The following PDE6B variants were observed in gnomAD, a reference collection of about 807,000 sequenced individuals.
PDE6B encodes the protein rod cGMP-specific 3',5'-cyclic phosphodiesterase subunit beta.
A neutral mutation model predicts 109.0 loss-of-function variants in PDE6B; 106 were observed. That is an observed-to-expected ratio of 0.97 (90% CI 0.83 to 1.14). The LOEUF (loss-of-function observed/expected upper bound fraction) is 1.14. PDE6B is among the 50% of genes most tolerant of loss of function. The pLI, the probability that PDE6B is intolerant of heterozygous loss-of-function variation, is 0.00. For missense variants in PDE6B, 1,193 were observed against 1,155.6 expected (o/e 1.03, Z -0.47); for synonymous variants, 490 against 471.3 (o/e 1.04, Z -0.51).
In PDE6B at chr4:625,832, G is replaced by GC. The variant is rs750147338; in HGVS notation, c.207dup (p.Ile70HisfsTer96). On this transcript the variant is annotated frameshift_variant, in exon 1 of 22. Transcript: ENST00000496514. LOFTEE classifies it high-confidence loss of function. The surrounding 1 kb of genome is among the most constrained non-coding windows in gnomAD (Gnocchi z 5.0). Reference sequence around the variant, plus strand: ...GAGCTGGTGCAGGATATGCAGGAGAGCATCAACATGGAGCGCGTGGTCTTC... The same window carrying GC: ...GAGCTGGTGCAGGATATGCAGGAGAGCCATCAACATGGAGCGCGTGGTCTTC... 3.1e-6 allele frequency: 5 copies of GC among 1,613,004 alleles called. No homozygotes were observed. The South Asian group carries it at 5.5e-5, about 18-fold the overall frequency.
At chr4:659,706 G>GCCCA (rs1736832012) in intron 11 of PDE6B, among the ~76,000 whole-genome samples, 1 of 151,552 alleles carries the variant, frequency 6.6e-6, no homozygotes, top group Non-Finnish European at 1.5e-5. Context: ...GTTTGTGTGT[G>GCCCA]TGTGCCCGTG....
intron 10 of PDE6B, among the ~76,000 whole-genome samples, chr4:657,729 G>A (rs1255888479): frequency 2.0e-5 from 3 of 146,396 alleles, no homozygotes; most frequent in Non-Finnish European, 3.0e-5. Context: ...CAGCTGTGCG[G>A]CGGGGGCAGG....
chr4:659,006 G>A lies in PDE6B; in HGVS notation c.1456G>A (p.Gly486Ser), dbSNP rs1327132399. ...EPADCDEDELGEILKEELPGP... is the reference protein window; with the variant it reads ...EPADCDEDELSEILKEELPGP... The stretch of plus-strand genomic sequence containing the variant: ...TGCTGACTGCGATGAGGACGAGCTG[G>A]GCGAAATCCTGGTAAGAACCTTGCT... Residue 486 changes from glycine (G) to serine (S), a missense_variant, in exon 11 of 22, where the codon GGC becomes AGC. By Grantham distance (56) the Gly-to-Ser change is moderately conservative (BLOSUM62 0). Coordinates refer to ENST00000496514, the MANE Select transcript of PDE6B (RefSeq NM_000283.4). The A allele has an allele frequency of 6.2e-7, 1 of 1,613,128 alleles. No homozygotes were observed. Among genetic ancestry groups the A allele is most frequent in the Non-Finnish European group, 8.5e-7 (1 of 1,179,502 alleles).
chr4:639,795 A>T (rs1465139966), intron 3 of PDE6B, among the ~76,000 whole-genome samples: 3 of 152,060 alleles, frequency 2.0e-5, no homozygotes, highest in Non-Finnish European at 2.9e-5. Flanking sequence ...ACACGGTGAA[A>T]CCCTGTCTCT....
At chr4:661,774 T>C in intron 12 of PDE6B, 1 of 343,252 alleles carries the variant, frequency 2.9e-6, no homozygotes, top group Non-Finnish European at 5.7e-6. Flanking sequence ...CACATTCTGC[T>C]CATTCAAATG....
At chr4:632,834 T>C (rs987914552) in intron 1 of PDE6B, among the ~76,000 whole-genome samples, 1 of 144,954 alleles carries the variant, frequency 6.9e-6, no homozygotes, top group African/African-American at 2.6e-5. Flanking sequence ...TGTGGTGCCG[T>C]CTGAGGGTCA....
In PDE6B at chr4:662,461, A is replaced by T; in HGVS notation, c.1723-48A>T. On this transcript the variant is annotated intron_variant, in intron 13 of 21. Transcript: ENST00000496514. This position sits in a 1 kb window ranked among gnomAD's most constrained non-coding sequence, Gnocchi z 4.3. ...TCATCCCAACCCCTCACCACTCCCC[A>T]CCCTGCTGGAGCCAGGACCGGTGAG... 1 of 1,317,210 alleles carries T rather than the reference A, an allele frequency of 7.6e-7. No individual in the cohort carries two copies. Among genetic ancestry groups the T allele is most frequent in the Non-Finnish European group, 1.1e-6 (1 of 910,362 alleles). The allele number at this position is 1,317,210 out of a possible 1,614,324, so 81.6% of individuals were successfully genotyped here.
intron 20 of PDE6B, 105 bp from the exon 21 acceptor site, chr4:667,751 C>T: frequency 7.9e-7 from 1 of 1,261,170 alleles, no homozygotes; most frequent in Non-Finnish European, 1.2e-6. Context: ...CCTCCTCCTG[C>T]CAGGCAGTTC....
chr4:656,444 C>T (rs1736252522), intron 8 of PDE6B, 152 bp downstream of exon 8: 1 of 701,330 alleles, frequency 1.4e-6, no homozygotes, highest in African/African-American at 1.8e-5. Context: ...CTTTGGGAGG[C>T]TGAGGCGGGT....
rs371572108 is a variant in PDE6B at position 625,740 on chromosome 4, C to T, written c.114C>T (p.Asp38=). The part of the protein sequence containing the change: ...SPENVAAACE[D]GCPPDCDSLR... ...AGAATGTGGCCGCGGCCTGCGAGGACGGGTGCCCGCCGGACTGCGACAGCC... is the reference window on the plus strand; with the variant it reads ...AGAATGTGGCCGCGGCCTGCGAGGATGGGTGCCCGCCGGACTGCGACAGCC... The change falls in exon 1 of 22, where the codon GAC becomes GAT. Residue 38 remains aspartate (D), a synonymous_variant. Transcript: ENST00000496514. This position sits in a 1 kb window ranked among gnomAD's most constrained non-coding sequence, Gnocchi z 5.0. 282 of 1,613,336 alleles carry T rather than the reference C, an allele frequency of 1.7e-4. 2 individuals are homozygous for T. The highest frequency in any genetic ancestry group is 1.7e-3 in the South Asian group (153 of 91,074).
intron 3 of PDE6B, among the ~76,000 whole-genome samples, chr4:639,864 G>A (rs765650330): frequency 6.6e-6 from 1 of 152,016 alleles, no homozygotes; most frequent in Non-Finnish European, 1.5e-5. Context: ...CCAGCTACTC[G>A]GGAGGCTGAG....
intron 3 of PDE6B, among the ~76,000 whole-genome samples, chr4:639,004 C>A (rs1734821008): frequency 6.6e-6 from 1 of 152,180 alleles, no homozygotes; most frequent in African/African-American, 2.4e-5. Flanking sequence ...GAAAAGCTGG[C>A]CTGGGGTAGC....
At chr4:664,770 C>T in intron 17 of PDE6B, 111 bp from the exon 18 acceptor site, 1 of 861,340 alleles carries the variant, frequency 1.2e-6, no homozygotes, top group Non-Finnish European at 2.0e-6. Flanking sequence ...TGCGCCATTG[C>T]ACTCCAGCCT....
chr4:659,667 T>TATGTGTGTGC (rs898234845), intron 11 of PDE6B, among the ~76,000 whole-genome samples: 13 of 150,380 alleles, frequency 8.6e-5, no homozygotes, highest in Non-Finnish European at 1.9e-4. Flanking sequence ...TGCCCACGAG[T>TATGTGTGTGC]ATGTGTGTGC....
rs917666309 is a variant in PDE6B at position 626,637 on chromosome 4, C to G, written c.468+543C>G. On this transcript the variant is annotated intron_variant, in intron 1 of 21. Transcript: ENST00000496514. The surrounding 1 kb of genome is among the most constrained non-coding windows in gnomAD (Gnocchi z 4.6). The stretch of plus-strand genomic sequence containing the variant: ...TCCCATGGGAGCCCACGCCAGCCGC[C>G]AGGGGAGAACAAACCTGGTAGCCAC... 6.6e-6 allele frequency among the ~76,000 whole-genome samples: 1 copy of G among 152,202 alleles called. No individual in the cohort carries two copies. The highest frequency in any genetic ancestry group is 1.5e-5 in the Non-Finnish European group (1 of 68,034).
Position 663,702 on chromosome 4 carries a change from G to A in PDE6B, c.1921-68G>A, listed in dbSNP as rs2109261825. 7 of 1,175,176 alleles carry A rather than the reference G, an allele frequency of 6.0e-6. No individual in the cohort carries two copies. Among genetic ancestry groups the A allele is most frequent in the South Asian group, 2.5e-5 (2 of 80,710 alleles). The allele number at this position is 1,175,176 out of a possible 1,614,324, so 72.8% of individuals were successfully genotyped here. On this transcript the variant is annotated intron_variant, in intron 15 of 21. Transcript: ENST00000496514. This position sits in a 1 kb window ranked among gnomAD's most constrained non-coding sequence, Gnocchi z 4.0. ...AGGCACAGGCAGCCGAGGCGGAAGGGGCGGGGTCCCCGGGCACCCTGAGAG... is the reference window on the plus strand; with the variant it reads ...AGGCACAGGCAGCCGAGGCGGAAGGAGCGGGGTCCCCGGGCACCCTGAGAG...
intron 1 of PDE6B, among the ~76,000 whole-genome samples, chr4:627,488 C>T (rs1734170179): frequency 6.6e-6 from 1 of 152,268 alleles, no homozygotes; most frequent in East Asian, 1.9e-4. Context: ...AAGCAAGCAG[C>T]AAGGCAGTGA....
chr4:629,865 C>A (rs1188460387), intron 1 of PDE6B, among the ~76,000 whole-genome samples: 1 of 152,148 alleles, frequency 6.6e-6, no homozygotes, highest in African/African-American at 2.4e-5. Context: ...CCCAGCTGCT[C>A]GGCTATGTGA....
intron 3 of PDE6B, among the ~76,000 whole-genome samples, chr4:642,347 A>G (rs772471638): frequency 6.6e-6 from 1 of 152,072 alleles, no homozygotes. Context: ...ATGGTGGTGC[A>G]TGCCTATAAT....
Sources: gnomAD v4.1 joint callset for allele counts (sites outside exome capture counted in the v4.1 genomes callset) on GRCh38, gnomAD v4.1.1 for gene constraint, Gnocchi (gnomAD v3.1) non-coding constraint, MANE v1.5 for transcripts, NCBI Gene and HGNC (gene_info 2026-07-23, HGNC 2026-07-21) for gene names.